The following TSPAN5 variants were observed in gnomAD, a reference collection of about 807,000 sequenced individuals.
TSPAN5 encodes tetraspanin-5.
A neutral mutation model predicts 37.1 loss-of-function variants in TSPAN5; 10 were observed. The ratio of observed to expected loss-of-function variants is 0.27; its 90% CI spans 0.17 to 0.46. The LOEUF (loss-of-function observed/expected upper bound fraction) is 0.46, where lower values mean the gene tolerates loss of function less well. TSPAN5 is among the 20% of genes least tolerant of loss of function. TSPAN5 has a pLI of 1.00. For missense variants in TSPAN5, 195 were observed against 326.6 expected, an observed-to-expected ratio of 0.60 and a Z score of 3.11; for synonymous variants, 110 against 118.9, an observed-to-expected ratio of 0.93 and a Z score of 0.48.
At chr4:98,550,637 A>G (rs1178508275) in intron 1 of TSPAN5, among the ~76,000 whole-genome samples, 5 of 147,718 alleles carry the variant, frequency 3.4e-5, no homozygotes. Flanking sequence ...GGTAGCTATT[A>G]TAAATGGGGT....
At chr4:98,632,710 A>C (rs2110265420) in intron 1 of TSPAN5, among the ~76,000 whole-genome samples, 1 of 152,302 alleles carries the variant, frequency 6.6e-6, no homozygotes, top group South Asian at 2.1e-4. Flanking sequence ...ACCTCACCTA[A>C]TTATGATGTA....
At chr4:98,537,430 C>G (rs530615014) in intron 1 of TSPAN5, among the ~76,000 whole-genome samples, 70 of 152,306 alleles carry the variant, frequency 4.6e-4, no homozygotes, top group Admixed American at 1.4e-3. Flanking sequence ...GGAGCTGTTC[C>G]TATTCGGCCA....
At chr4:98,545,042 G>GC (rs2110146447) in intron 1 of TSPAN5, among the ~76,000 whole-genome samples, 1 of 152,306 alleles carries the variant, frequency 6.6e-6, no homozygotes, top group East Asian at 1.9e-4. Flanking sequence ...AATGACCAGT[G>GC]CCTCTCATGG....
chr4:98,498,014 A>T (rs1361911799), intron 2 of TSPAN5, among the ~76,000 whole-genome samples: 3 of 152,236 alleles, frequency 2.0e-5, no homozygotes, highest in Non-Finnish European at 4.4e-5. Context: ...AAGCCCGCTC[A>T]GGTGGCAGTC....
chr4:98,535,062 G>C (rs1346511396), intron 1 of TSPAN5, among the ~76,000 whole-genome samples: 1 of 152,310 alleles, frequency 6.6e-6, no homozygotes, highest in East Asian at 1.9e-4. Flanking sequence ...GTGTGAATTT[G>C]ATCCTGTCAT....
intron 2 of TSPAN5, among the ~76,000 whole-genome samples, chr4:98,488,593 G>A (rs1753022977): frequency 6.6e-6 from 1 of 152,210 alleles, no homozygotes. Flanking sequence ...TCACAAGTCT[G>A]CATAGACCAA....
intron 1 of TSPAN5, among the ~76,000 whole-genome samples, chr4:98,526,208 A>G (rs1301701563): frequency 1.3e-5 from 2 of 152,232 alleles, no homozygotes; most frequent in African/African-American, 4.8e-5. Flanking sequence ...GAGGCCCAAC[A>G]AAGTCAAGTC....
intron 2 of TSPAN5, among the ~76,000 whole-genome samples, chr4:98,493,293 A>G (rs1753125228): frequency 6.6e-6 from 1 of 152,244 alleles, no homozygotes; most frequent in Admixed American, 6.5e-5. Flanking sequence ...ATTCCATAGG[A>G]AGTTCTCATC....
chr4:98,511,794 C>T (rs555895327), intron 1 of TSPAN5, among the ~76,000 whole-genome samples: 3 of 152,144 alleles, frequency 2.0e-5, no homozygotes, highest in South Asian at 4.2e-4. Flanking sequence ...CTATGGAAAA[C>T]GTAAACTACA....
chr4:98,491,416 A>G (rs1753083177), intron 2 of TSPAN5, among the ~76,000 whole-genome samples: 1 of 152,136 alleles, frequency 6.6e-6, no homozygotes, highest in African/African-American at 2.4e-5. Flanking sequence ...GAAGAGCAGC[A>G]GTTTTATTGC....
chr4:98,644,300 TG>T (rs1757017372), intron 1 of TSPAN5, among the ~76,000 whole-genome samples: 1 of 152,176 alleles, frequency 6.6e-6, no homozygotes. Context: ...AACTAAGGTT[TG>T]CTAAATTCAA....
At chr4:98,515,724 T>C (rs1753713360) in intron 1 of TSPAN5, among the ~76,000 whole-genome samples, 1 of 150,690 alleles carries the variant, frequency 6.6e-6, no homozygotes, top group Admixed American at 6.7e-5. Context: ...GCCTCCCATT[T>C]ATCTTCTCTC....
At chr4:98,656,617 G>A (rs187875917) in intron 1 of TSPAN5, among the ~76,000 whole-genome samples, 125 of 152,266 alleles carry the variant, frequency 8.2e-4, no homozygotes, top group Non-Finnish European at 1.4e-3. Flanking sequence ...GACTGCTCCC[G>A]GGAATCATGC....
chr4:98,625,533 T>C (rs1158834150), intron 1 of TSPAN5, among the ~76,000 whole-genome samples: 1 of 152,246 alleles, frequency 6.6e-6, no homozygotes, highest in Admixed American at 6.5e-5. Flanking sequence ...TCTGTTATGT[T>C]TTGCCCTTTA....
At chr4:98,623,253 A>G (rs1253359624) in intron 1 of TSPAN5, among the ~76,000 whole-genome samples, 1 of 152,218 alleles carries the variant, frequency 6.6e-6, no homozygotes, top group Admixed American at 6.5e-5. Context: ...ACTGCATGAA[A>G]AGAATCTGGT....
At chr4:98,536,816 G>A (rs1754245903) in intron 1 of TSPAN5, among the ~76,000 whole-genome samples, 2 of 152,214 alleles carry the variant, frequency 1.3e-5, no homozygotes, top group South Asian at 2.1e-4. Flanking sequence ...ACCTACTCAA[G>A]CCTCAGCAAT....
intron 5 of TSPAN5, among the ~76,000 whole-genome samples, chr4:98,477,054 A>G (rs1456416608): frequency 6.6e-6 from 1 of 152,238 alleles, no homozygotes; most frequent in Non-Finnish European, 1.5e-5. Context: ...TTATTAGCTT[A>G]GAGCGCAAGG....
At chr4:98,610,350 A>T (rs1200878803) in intron 1 of TSPAN5, among the ~76,000 whole-genome samples, 1 of 152,224 alleles carries the variant, frequency 6.6e-6, no homozygotes, top group Non-Finnish European at 1.5e-5. Context: ...CATCACGGTT[A>T]CACTGGGGAC....
At chr4:98,563,070 G>A (rs953299856) in intron 1 of TSPAN5, among the ~76,000 whole-genome samples, 5 of 152,058 alleles carry the variant, frequency 3.3e-5, no homozygotes. Flanking sequence ...ACAACTCCTG[G>A]GGCTCCAGTT....
Sources: gnomAD v4.1 joint callset for allele counts (sites outside exome capture counted in the v4.1 genomes callset) on GRCh38, gnomAD v4.1.1 for gene constraint, MANE v1.5 for transcripts, NCBI Gene and HGNC (gene_info 2026-07-23, HGNC 2026-07-21) for gene names.